The following RBM20 variants were observed in gnomAD, a reference collection of about 807,000 sequenced individuals.
The protein encoded by RBM20 is RNA-binding protein 20.
Under a neutral mutation model 110.1 loss-of-function variants are expected in RBM20, and 51 were observed. The ratio of observed to expected loss-of-function variants is 0.46; its 90% CI spans 0.37 to 0.59. The LOEUF is 0.59. Ranked by LOEUF, RBM20 falls within the 20% of genes least tolerant of loss-of-function variation. The pLI is 0.00. For synonymous variants in RBM20, 589 were observed against 618.2 expected, an observed-to-expected ratio of 0.95 and a Z score of 0.70; for missense variants, 1,512 against 1,574.9, an observed-to-expected ratio of 0.96 and a Z score of 0.68.
chr10:110,806,518 T>G (rs1844697594), intron 7 of RBM20, among the ~76,000 whole-genome samples: 1 of 152,124 alleles, frequency 6.6e-6, no homozygotes, highest in Non-Finnish European at 1.5e-5. Flanking sequence ...AGAGTAGTAC[T>G]GGGGGATGGT....
intron 1 of RBM20, among the ~76,000 whole-genome samples, chr10:110,719,631 C>G (rs753768946): frequency 1.3e-5 from 2 of 152,056 alleles, no homozygotes; most frequent in Non-Finnish European, 2.9e-5. Context: ...ACCTGTTCAT[C>G]TTTTTCTTTA....
rs757195794 is a variant in RBM20, at chr10:110,792,137, A to ATCTGTCTG, written c.1528-5364_1528-5363insGTCTGTCT. Among the ~76,000 whole-genome samples, 921 of 128,234 alleles carry ATCTGTCTG rather than the reference A, an allele frequency of 7.2e-3. 16 individuals are homozygous for ATCTGTCTG. Among genetic ancestry groups the ATCTGTCTG allele is most frequent in the African/African-American group, 0.027 (852 of 32,030 alleles). The allele number at this position is 128,234 out of a possible 152,430, so 84.1% of individuals were successfully genotyped here. A position where few individuals can be genotyped will look rare whatever the true frequency, so the allele number is the denominator to read the frequency against. ...TTTGTCATTTTCTCTATCTTCCTCT[A>ATCTGTCTG]TCTGTCTATCTATCTATCTATCTAT... On this transcript the variant is annotated intron_variant, in intron 5 of 13. Coordinates refer to ENST00000369519, the MANE Select transcript of RBM20 (RefSeq NM_001134363.3).
rs1433992064 is a variant in RBM20 at position 110,752,945 on chromosome 10, A to ATATT, written c.192-27855_192-27854insATTT. On this transcript the variant is annotated intron_variant, in intron 1 of 13. Coordinates refer to ENST00000369519, the MANE Select transcript of RBM20 (RefSeq NM_001134363.3). ...CATATATATATATATATATATATAT[A>ATATT]TTTTTTTTTTTTTTATGAAGTCTCC... Among the ~76,000 whole-genome samples the ATATT allele has an allele frequency of 5.1e-3, 554 of 108,942 alleles. 1 individual carries two copies. The highest frequency in any genetic ancestry group is 7.0e-3 in the Non-Finnish European group (404 of 58,028). 71.5% of individuals were successfully genotyped at this position (108,942 alleles called of 152,430 possible). A position where few individuals can be genotyped will look rare whatever the true frequency, so the allele number is the denominator to read the frequency against.
intron 5 of RBM20, among the ~76,000 whole-genome samples, chr10:110,792,341 A>G (rs1005215844): frequency 2.6e-5 from 4 of 152,180 alleles, no homozygotes; most frequent in East Asian, 3.8e-4. Context: ...TTTTTTCCCA[A>G]TGCAGAATCA....
At chr10:110,702,159 T>C (rs1410429737) in intron 1 of RBM20, among the ~76,000 whole-genome samples, 1 of 152,188 alleles carries the variant, frequency 6.6e-6, no homozygotes, top group Non-Finnish European at 1.5e-5. Flanking sequence ...AAGTGGGAAG[T>C]TGCTCTCAAG....
At chr10:110,822,213 G>C (rs1844923639) in intron 11 of RBM20, among the ~76,000 whole-genome samples, 1 of 152,216 alleles carries the variant, frequency 6.6e-6, no homozygotes, top group African/African-American at 2.4e-5. Flanking sequence ...CAGGAGCCCA[G>C]ATGGACTTGG....
chr10:110,781,216 A>G lies in RBM20; in HGVS notation c.607A>G (p.Met203Val). 1.3e-6 allele frequency: 2 copies of G among 1,551,588 alleles called. No individual in the cohort carries two copies. Among genetic ancestry groups the G allele is most frequent in the Non-Finnish European group, 1.7e-6 (2 of 1,146,986 alleles). The change falls in exon 2 of 14, where the codon ATG (methionine) becomes GTG (valine). Residue 203 changes from methionine (M) to valine (V), a missense_variant. Around this residue, in one of 3 missense-constraint regions of RBM20, gnomAD observed 1,149 missense variants for 1,169.4 expected, o/e 0.98. Coordinates refer to ENST00000369519, the MANE Select transcript of RBM20 (RefSeq NM_001134363.3). ...GGTGATGCATCCTTTCACTGGGGTA[A>G]TGCCTCAGACCCCTGGCCAGCCAGC... ...AMVMHPFTGVMPQTPGQPAVI... is the reference protein window; with the variant it reads ...AMVMHPFTGVVPQTPGQPAVI...
At chr10:110,824,324 T>G (rs1173085984) in intron 12 of RBM20, among the ~76,000 whole-genome samples, 2 of 152,274 alleles carry the variant, frequency 1.3e-5, no homozygotes, top group East Asian at 3.9e-4. Context: ...ATTGCTCCAG[T>G]CCTTCCCAGA....
At chr10:110,681,123 C>A (rs939817495) in intron 1 of RBM20, among the ~76,000 whole-genome samples, 4 of 152,178 alleles carry the variant, frequency 2.6e-5, no homozygotes, top group African/African-American at 9.7e-5. Context: ...TTTGAGCAAA[C>A]AAGGGAGAGA....
chr10:110,664,861 CCTT>C (rs1242936550), intron 1 of RBM20, among the ~76,000 whole-genome samples: 1 of 152,072 alleles, frequency 6.6e-6, no homozygotes, highest in Non-Finnish European at 1.5e-5. Flanking sequence ...CTCCTGTCCT[CCTT>C]CTTCAGTCTC....
chr10:110,668,547 A>T (rs532117086), intron 1 of RBM20, among the ~76,000 whole-genome samples: 33 of 152,186 alleles, frequency 2.2e-4, no homozygotes, highest in Non-Finnish European at 3.5e-4. Context: ...TCAAGCAGAA[A>T]TTGCGAATGG....
upstream of RBM20, chr10:110,644,261 C>A (rs954978455): frequency 2.3e-6 from 1 of 431,240 alleles, no homozygotes; most frequent in Non-Finnish European, 4.0e-6. This position sits in a 1 kb window ranked among gnomAD's most constrained non-coding sequence, Gnocchi z 4.3. Context: ...CGTGGCCGGC[C>A]GGGACGAGCT....
intron 1 of RBM20, among the ~76,000 whole-genome samples, chr10:110,716,790 G>A (rs569659703): frequency 4.0e-4 from 61 of 151,902 alleles, no homozygotes; most frequent in Non-Finnish European, 7.7e-4. Context: ...GGTGGTGGGC[G>A]CCTGTAGTCC....
chr10:110,828,266 T>A (rs1296907589), intron 12 of RBM20, among the ~76,000 whole-genome samples: 1 of 152,186 alleles, frequency 6.6e-6, no homozygotes, highest in Non-Finnish European at 1.5e-5. Context: ...CGGGGCAATA[T>A]GTCTTGATGC....
chr10:110,820,121 G>A lies in RBM20; in HGVS notation c.2600G>A (p.Gly867Asp), dbSNP rs1167745278. 14 of 1,551,436 alleles carry A rather than the reference G, an allele frequency of 9.0e-6. No individual in the cohort carries two copies. The highest frequency in any genetic ancestry group is 1.2e-5 in the South Asian group (1 of 84,002). ...ATGGAAGAAAGCCCTCAATCAGTGG[G>A]CAGACAGGAGAAAGAAGCAGAGTTC... ...EGMEESPQSV[G>D]RQEKEAEFSD... Residue 867 changes from glycine to aspartate, a missense_variant, in exon 10 of 14, where the codon GGC becomes GAC. By Grantham distance (94) the Gly-to-Asp change is moderately conservative. Transcript: ENST00000369519.
chr10:110,713,827 G>T (rs1862974958), intron 1 of RBM20, among the ~76,000 whole-genome samples: 1 of 152,118 alleles, frequency 6.6e-6, no homozygotes, highest in Non-Finnish European at 1.5e-5. Flanking sequence ...GGCAAGTCTG[G>T]AACCACAATC....
At chr10:110,760,399 A>G (rs762189324) in intron 1 of RBM20, among the ~76,000 whole-genome samples, 3 of 147,722 alleles carry the variant, frequency 2.0e-5, no homozygotes, top group Admixed American at 6.7e-5. Flanking sequence ...ACATGGGTCA[A>G]TATTAGCCCA....
intron 1 of RBM20, among the ~76,000 whole-genome samples, chr10:110,656,558 C>T (rs1238108055): frequency 1.3e-5 from 2 of 152,120 alleles, no homozygotes; most frequent in Non-Finnish European, 2.9e-5. Context: ...CAACCATCAC[C>T]ACTCTCCAGT....
intron 13 of RBM20, among the ~76,000 whole-genome samples, chr10:110,833,425 T>A (rs2135143348): frequency 7.9e-6 from 1 of 127,136 alleles, no homozygotes. Flanking sequence ...GCTTCCTGGC[T>A]CTCACCCTAC....
Sources: gnomAD v4.1 joint callset for allele counts (sites outside exome capture counted in the v4.1 genomes callset) on GRCh38, gnomAD v4.1.1 for gene constraint, gnomAD v4.1.1 regional missense constraint, Gnocchi (gnomAD v3.1) non-coding constraint, MANE v1.5 for transcripts, NCBI Gene and HGNC (gene_info 2026-07-23, HGNC 2026-07-21) for gene names.